The following LOC400499 variants were observed in gnomAD, a reference collection of about 807,000 sequenced individuals.
At chr16:11,491,353 C>G in the LOC400499 span, among the ~76,000 whole-genome samples, 2 of 152,182 alleles carry the variant, frequency 1.3e-5, no homozygotes, top group Non-Finnish European at 2.9e-5. Flanking sequence ...CCTCTTCTAT[C>G]TTAGGTCTCT....
chr16:11,453,766 G>C, the LOC400499 span, among the ~76,000 whole-genome samples: 1 of 151,982 alleles, frequency 6.6e-6, no homozygotes, highest in East Asian at 1.9e-4. Context: ...CCAGGAGTTT[G>C]AGACCTGCCT....
the LOC400499 span, chr16:11,385,437 G>A: frequency 1.6e-6 from 2 of 1,231,110 alleles, no homozygotes; most frequent in Non-Finnish European, 2.0e-6. Flanking sequence ...GCAGCCCAAA[G>A]GCAGGGTGAG....
At chr16:11,495,324 G>A in the LOC400499 span, among the ~76,000 whole-genome samples, 7 of 151,988 alleles carry the variant, frequency 4.6e-5, no homozygotes, top group Non-Finnish European at 1.0e-4. Context: ...AAACAGGAGG[G>A]GGTTCAGGAC....
the LOC400499 span, among the ~76,000 whole-genome samples, chr16:11,437,104 G>A: frequency 5.9e-5 from 9 of 152,332 alleles, no homozygotes; most frequent in African/African-American, 2.2e-4. Context: ...TGACATTCTG[G>A]AAAAAGGCAA....
the LOC400499 span, among the ~76,000 whole-genome samples, chr16:11,382,607 G>GAAAACAGGGCTGAGTA: frequency 6.6e-6 from 1 of 151,416 alleles, no homozygotes; most frequent in Non-Finnish European, 1.5e-5. Flanking sequence ...AGAGCAGAGA[G>GAAAACAGGGCTGAGTA]AAAACAGGGC....
the LOC400499 span, chr16:11,393,691 G>T: frequency 1.4e-6 from 1 of 692,426 alleles, no homozygotes; most frequent in Non-Finnish European, 2.0e-6. Context: ...CCAAGGGAAG[G>T]CACAATGCCC....
chr16:11,379,932 T>TC, the LOC400499 span, among the ~76,000 whole-genome samples: 1 of 151,950 alleles, frequency 6.6e-6, no homozygotes. Context: ...GACAGCTCTG[T>TC]CCCCCTCCTA....
chr16:11,393,154 A>ACCCC, the LOC400499 span, among the ~76,000 whole-genome samples: 3 of 129,316 alleles, frequency 2.3e-5, no homozygotes, highest in African/African-American at 9.5e-5. Context: ...ACGCCTGGCC[A>ACCCC]CCCCCCCCCC....
the LOC400499 span, chr16:11,447,883 G>C: frequency 6.6e-7 from 1 of 1,504,532 alleles, no homozygotes; most frequent in Non-Finnish European, 8.8e-7. Context: ...CTCCGTGCTA[G>C]AGAAGGGGAA....
the LOC400499 span, among the ~76,000 whole-genome samples, chr16:11,388,525 G>A: frequency 6.6e-5 from 10 of 152,174 alleles, no homozygotes; most frequent in African/African-American, 1.9e-4. Flanking sequence ...CTTGGAGCCC[G>A]GTTCCTGGTG....
chr16:11,437,764 G>C, the LOC400499 span, among the ~76,000 whole-genome samples: 1 of 152,132 alleles, frequency 6.6e-6, no homozygotes, highest in Non-Finnish European at 1.5e-5. Context: ...AGCTACTTGG[G>C]AGGCGGAGGC....
At chr16:11,384,087 T>C in the LOC400499 span, 2 of 1,230,182 alleles carry the variant, frequency 1.6e-6, no homozygotes, top group Non-Finnish European at 1.0e-6. Flanking sequence ...AGCAGGAGAC[T>C]TCCCCCAAAC....
the LOC400499 span, chr16:11,424,092 G>GCC: frequency 5.0e-6 from 2 of 399,336 alleles, no homozygotes; most frequent in Non-Finnish European, 8.8e-6. Flanking sequence ...CCCGGGTGCA[G>GCC]CCCCCTCCTC....
chr16:11,502,866 G>C, the LOC400499 span, among the ~76,000 whole-genome samples: 684 of 148,100 alleles, frequency 4.6e-3, 6 homozygotes, highest in African/African-American at 0.016. Context: ...TGCCCGCCTC[G>C]GCCTTCCAAA....
chr16:11,480,452 T>C, the LOC400499 span, among the ~76,000 whole-genome samples: 1 of 152,162 alleles, frequency 6.6e-6, no homozygotes, highest in African/African-American at 2.4e-5. Context: ...TCTACCTTGG[T>C]CACTATCAGA....
chr16:11,508,455 C>G, the LOC400499 span, among the ~76,000 whole-genome samples: 54 of 152,240 alleles, frequency 3.5e-4, no homozygotes, highest in African/African-American at 1.2e-3. Context: ...GTTGTGTGCT[C>G]GTAGACAGAC....
the LOC400499 span, among the ~76,000 whole-genome samples, chr16:11,481,618 C>T: frequency 6.6e-6 from 1 of 152,034 alleles, no homozygotes; most frequent in Non-Finnish European, 1.5e-5. Flanking sequence ...CCACCGCGCC[C>T]AGCCCTATTT....
chr16:11,467,660 G>C, the LOC400499 span, among the ~76,000 whole-genome samples: 1 of 151,984 alleles, frequency 6.6e-6, no homozygotes, highest in South Asian at 2.1e-4. Flanking sequence ...ATGACAACTG[G>C]GTTTTCATGC....
At chr16:11,396,153 G>A in the LOC400499 span, among the ~76,000 whole-genome samples, 1 of 152,316 alleles carries the variant, frequency 6.6e-6, no homozygotes, top group African/African-American at 2.4e-5. Context: ...TGGGAGATAG[G>A]GCCAGTACAA....
Sources: gnomAD v4.1 joint callset for allele counts (sites outside exome capture counted in the v4.1 genomes callset) on GRCh38, gnomAD v4.1.1 for gene constraint, MANE v1.5 for transcripts.